ADD3: variants seen among roughly 807,000 people sequenced by gnomAD.
ADD3 encodes adducin 3, also known as gamma-adducin.
Under a neutral mutation model 80.2 loss-of-function variants are expected in ADD3, and 25 were observed. The ratio of observed to expected loss-of-function variants is 0.31; its 90% CI spans 0.23 to 0.44. The LOEUF (loss-of-function observed/expected upper bound fraction) is 0.44. Ranked by LOEUF, ADD3 falls within the 20% of genes least tolerant of loss-of-function variation. ADD3 has a pLI of 1.00. For synonymous variants in ADD3, 284 were observed against 289.6 expected, an observed-to-expected ratio of 0.98 and a Z score of 0.20; for missense variants, 829 against 847.5, an observed-to-expected ratio of 0.98 and a Z score of 0.27.
At chr10:110,064,884 C>G (rs1269685376) in intron 1 of ADD3, among the ~76,000 whole-genome samples, 1 of 152,014 alleles carries the variant, frequency 6.6e-6, no homozygotes, top group Non-Finnish European at 1.5e-5. Flanking sequence ...ATGGCAAAAC[C>G]TTATCTCTAC....
intron 1 of ADD3, among the ~76,000 whole-genome samples, chr10:110,041,661 A>T (rs1327384153): frequency 3.3e-5 from 5 of 152,330 alleles, no homozygotes; most frequent in Non-Finnish European, 7.3e-5. Flanking sequence ...GTTCTCTGTC[A>T]TACAAGAAAT....
intron 1 of ADD3, among the ~76,000 whole-genome samples, chr10:110,034,780 T>C (rs889552209): frequency 6.6e-6 from 1 of 152,356 alleles, no homozygotes; most frequent in African/African-American, 2.4e-5. Flanking sequence ...AAAAATGTTA[T>C]ATCTAAATGT....
At chr10:110,024,918 T>TCCTC (rs1696689421) in intron 1 of ADD3, among the ~76,000 whole-genome samples, 1 of 150,860 alleles carries the variant, frequency 6.6e-6, no homozygotes, top group Admixed American at 6.6e-5. Context: ...CACTCAAGTT[T>TCCTC]CCTCCTCTTT....
At chr10:110,073,893 C>A (rs1026505267) in intron 1 of ADD3, among the ~76,000 whole-genome samples, 6 of 152,024 alleles carry the variant, frequency 3.9e-5, no homozygotes. Context: ...ATGAATTTAA[C>A]CTGATTTAAA....
At position 110,133,466 on chromosome 10, in the gene ADD3, A is replaced by T. The variant is rs1460864809; in HGVS notation, c.1969A>T (p.Asn657Tyr). The stretch of plus-strand genomic sequence containing the variant: ...GTTAAGCACAAGTACAACCATAGAA[A>T]ACATCGAGATTACTATTAAGTCTCC... ...SRLSTSTTIE[N>Y]IEITIKSPEK... Residue 657 changes from asparagine to tyrosine, a missense_variant, in exon 15 of 15, where the codon AAC becomes TAC. Asn to Tyr is a moderately radical substitution (Grantham distance 143). Coordinates refer to ENST00000356080, the MANE Select transcript of ADD3 (RefSeq NM_016824.5). 2.5e-6 allele frequency: 4 copies of T among 1,613,962 alleles called. No individual in the cohort carries two copies. The highest frequency in any genetic ancestry group is 2.5e-6 in the Non-Finnish European group (3 of 1,179,906).
intron 3 of ADD3, among the ~76,000 whole-genome samples, chr10:110,113,473 T>TG (rs2134062566): frequency 6.6e-6 from 1 of 152,232 alleles, no homozygotes; most frequent in African/African-American, 2.4e-5. Flanking sequence ...TTCACCATGT[T>TG]GGTTAGGCTG....
intron 1 of ADD3, among the ~76,000 whole-genome samples, chr10:110,074,905 GA>G (rs1294689750): frequency 6.6e-6 from 1 of 152,106 alleles, no homozygotes; most frequent in East Asian, 1.9e-4. Flanking sequence ...GAGGGAAGGA[GA>G]AATTTCACTG....
intron 1 of ADD3, among the ~76,000 whole-genome samples, chr10:110,062,321 A>G (rs529071173): frequency 4.6e-4 from 70 of 151,152 alleles, no homozygotes; most frequent in Admixed American, 1.8e-3. Context: ...TTGAACCTGG[A>G]AGGCAGAGGT....
chr10:110,050,678 A>C (rs759179799), intron 1 of ADD3, among the ~76,000 whole-genome samples: 19 of 151,778 alleles, frequency 1.3e-4, no homozygotes, highest in Non-Finnish European at 2.7e-4. Context: ...ACACCAAGCT[A>C]ATTTTCGTTT....
intron 1 of ADD3, among the ~76,000 whole-genome samples, chr10:110,026,335 G>T (rs1172402497): frequency 6.7e-6 from 1 of 148,562 alleles, no homozygotes; most frequent in Non-Finnish European, 1.5e-5. Flanking sequence ...AGGCTAGAGT[G>T]CAGTGGCGTG....
chr10:110,072,474 A>G (rs1844853147), intron 1 of ADD3, among the ~76,000 whole-genome samples: 1 of 152,172 alleles, frequency 6.6e-6, no homozygotes, highest in African/African-American at 2.4e-5. Context: ...CAGGGAACAG[A>G]CAGTTAGTGT....
intron 1 of ADD3, among the ~76,000 whole-genome samples, chr10:110,091,076 C>T (rs990552419): frequency 1.3e-5 from 2 of 152,150 alleles, no homozygotes; most frequent in Non-Finnish European, 2.9e-5. Flanking sequence ...AGGTAGGTTT[C>T]CACATGTGTA....
intron 2 of ADD3, chr10:110,112,485 T>G: frequency 4.3e-6 from 1 of 234,948 alleles, no homozygotes; most frequent in Non-Finnish European, 8.2e-6. Flanking sequence ...TCTTGGTGCT[T>G]GAGTTGTATA....
chr10:110,089,603 CTG>C (rs945598085), intron 1 of ADD3, among the ~76,000 whole-genome samples: 13 of 151,938 alleles, frequency 8.6e-5, no homozygotes, highest in African/African-American at 2.7e-4. Flanking sequence ...CTCACCAAGG[CTG>C]TGTGTCTTTG....
intron 1 of ADD3, among the ~76,000 whole-genome samples, chr10:110,092,083 A>G (rs1847585215): frequency 6.6e-6 from 1 of 152,216 alleles, no homozygotes; most frequent in South Asian, 2.1e-4. Context: ...ATGTCAGAAA[A>G]TAACAGATGT....
chr10:110,078,583 C>G (rs759205153), intron 1 of ADD3, among the ~76,000 whole-genome samples: 5 of 152,266 alleles, frequency 3.3e-5, no homozygotes, highest in Admixed American at 6.5e-5. Flanking sequence ...TTTCGTGGAC[C>G]TGGCTACTCG....
At position 110,039,107 on chromosome 10, in the gene ADD3, G is replaced by A. The variant is rs571455565; in HGVS notation, c.-30+30808G>A. On this transcript the variant is annotated intron_variant, in intron 1 of 14. Transcript: ENST00000356080. ...TGTTTCTGTAGTTTTTAATTGTAAC[G>A]ACTTATATTTAAGCCCACTCTGGCC... 7.2e-5 allele frequency among the ~76,000 whole-genome samples: 11 copies of A among 152,166 alleles called. No homozygotes were observed. In the South Asian group the frequency reaches 2.1e-3, roughly 29 times the overall value.
intron 1 of ADD3, among the ~76,000 whole-genome samples, chr10:110,082,815 C>A (rs1001017800): frequency 1.8e-4 from 28 of 152,272 alleles, no homozygotes; most frequent in Non-Finnish European, 3.8e-4. Context: ...CATATCTTCA[C>A]ACTTTTTTTG....
rs1341549090 is a variant in ADD3 at position 110,069,945 on chromosome 10, C to T, written c.-29-30680C>T. 3.9e-5 allele frequency among the ~76,000 whole-genome samples: 6 copies of T among 152,182 alleles called. No homozygotes were observed. The South Asian group carries it at 1.0e-3, about 26-fold the overall frequency. On this transcript the variant is annotated intron_variant, in intron 1 of 14. Transcript: ENST00000356080. The stretch of plus-strand genomic sequence containing the variant: ...TAGGCTTCCTGTAGCTTAAATTATA[C>T]ACACCACAGTAAACTGTTACCCAGT...
Sources: gnomAD v4.1 joint callset for allele counts (sites outside exome capture counted in the v4.1 genomes callset) on GRCh38, gnomAD v4.1.1 for gene constraint, MANE v1.5 for transcripts, NCBI Gene and HGNC (gene_info 2026-07-23, HGNC 2026-07-21) for gene names.